The following SHISAL1 variants were observed in gnomAD, a reference collection of about 807,000 sequenced individuals.
The protein encoded by SHISAL1 is shisa like 1.
SHISAL1 carries 9 observed loss-of-function variants against 22.6 expected under a neutral mutation model. That is an observed-to-expected ratio of 0.40 (90% CI 0.24 to 0.70). The LOEUF is 0.70. Ranked by LOEUF, SHISAL1 falls within the 30% of genes least tolerant of loss-of-function variation. The pLI, the probability that SHISAL1 is intolerant of heterozygous loss-of-function variation, is 0.39. For synonymous variants in SHISAL1, 119 were observed against 115.4 expected, an observed-to-expected ratio of 1.03 and a Z score of -0.20; for missense variants, 246 against 270.6, an observed-to-expected ratio of 0.91 and a Z score of 0.64.
chr22:44,289,249 G>A (rs1301238183), intron 3 of SHISAL1, among the ~76,000 whole-genome samples: 4 of 152,202 alleles, frequency 2.6e-5, no homozygotes, highest in African/African-American at 9.6e-5. Flanking sequence ...CAGCTGGTGA[G>A]TGGCAGCACT....
intron 1 of SHISAL1, among the ~76,000 whole-genome samples, chr22:44,305,791 T>TAGGTCACCGTGC (rs1569226155): frequency 6.6e-6 from 1 of 152,124 alleles, no homozygotes; most frequent in Non-Finnish European, 1.5e-5. Context: ...TGGCCTGAGA[T>TAGGTCACCGTGC]AGGTCACCGT....
chr22:44,269,158 A>T (rs775366338), intron 4 of SHISAL1, among the ~76,000 whole-genome samples: 6 of 151,760 alleles, frequency 4.0e-5, no homozygotes, highest in Non-Finnish European at 8.8e-5. Flanking sequence ...ATACCATGCC[A>T]CACAGATCCA....
intron 1 of SHISAL1, among the ~76,000 whole-genome samples, chr22:44,301,321 T>C (rs1319884509): frequency 1.3e-5 from 2 of 152,116 alleles, no homozygotes; most frequent in East Asian, 3.9e-4. Context: ...CCCGGCCACC[T>C]CGAGGAGCTT....
At chr22:44,321,476 C>T in the SHISAL1 span, among the ~76,000 whole-genome samples, 1 of 124,696 alleles carries the variant, frequency 8.0e-6, no homozygotes, top group East Asian at 3.1e-4. Context: ...CAGCCCCTTT[C>T]CTACTGGCAG....
At chr22:44,267,154 C>A (rs1322174738) in intron 4 of SHISAL1, among the ~76,000 whole-genome samples, 1 of 152,086 alleles carries the variant, frequency 6.6e-6, no homozygotes, top group Non-Finnish European at 1.5e-5. Context: ...ACATCCGAGG[C>A]CAGGTCCCAT....
chr22:44,259,982 C>A (rs576456948), intron 4 of SHISAL1, among the ~76,000 whole-genome samples: 1 of 152,190 alleles, frequency 6.6e-6, no homozygotes, highest in Admixed American at 6.5e-5. Flanking sequence ...CCAAACCAGG[C>A]ACCCTCTGGG....
At chr22:44,303,676 C>G (rs1029645797) in intron 1 of SHISAL1, among the ~76,000 whole-genome samples, 2 of 152,168 alleles carry the variant, frequency 1.3e-5, no homozygotes, top group East Asian at 3.9e-4. Flanking sequence ...CTAGGCAGCC[C>G]GAGCAAACAG....
In SHISAL1 at chr22:44,301,215, C is replaced by T. The variant is rs146825858; in HGVS notation, c.-32-238G>A. Reference sequence around the variant, plus strand: ...TTTTCATGGCAAAATGAGACTTAATCAAAGGAGGACGGATGGCTCAGGTGG... The same window carrying T: ...TTTTCATGGCAAAATGAGACTTAATTAAAGGAGGACGGATGGCTCAGGTGG... On this transcript the variant is annotated intron_variant, in intron 1 of 4. Transcript: ENST00000381176. 8.5e-3 allele frequency among the ~76,000 whole-genome samples: 1,298 copies of T among 152,318 alleles called. 22 individuals are homozygous for T. Among genetic ancestry groups the T allele is most frequent in the African/African-American group, 0.029 (1,216 of 41,568 alleles).
rs1667004300 is a variant in SHISAL1, at chr22:44,245,097, G to C, written c.*4588C>G. 6.6e-6 allele frequency: 1 copy of C among 152,306 alleles called. No homozygotes were observed. Among genetic ancestry groups the C allele is most frequent in the African/African-American group, 2.4e-5 (1 of 41,472 alleles). 9.4% of individuals were successfully genotyped at this position (152,306 alleles called of 1,614,324 possible). A position where few individuals can be genotyped will look rare whatever the true frequency, so the allele number is the denominator to read the frequency against. Reference sequence around the variant, plus strand: ...TCATCCACTCATGGCCTCTCTGACTGTCCCAGTGCTGTGGGGGCCAAGCAG... The same window carrying C: ...TCATCCACTCATGGCCTCTCTGACTCTCCCAGTGCTGTGGGGGCCAAGCAG... On this transcript the variant is annotated 3_prime_UTR_variant, in exon 5 of 5. Transcript: ENST00000381176.
chr22:44,319,402 C>T, the SHISAL1 span, among the ~76,000 whole-genome samples: 257 of 152,332 alleles, frequency 1.7e-3, no homozygotes, highest in African/African-American at 6.0e-3. Flanking sequence ...GACTCAGGCT[C>T]TTGGCCTTGG....
chr22:44,321,901 C>T, the SHISAL1 span, among the ~76,000 whole-genome samples: 1 of 152,170 alleles, frequency 6.6e-6, no homozygotes, highest in Admixed American at 6.5e-5. Flanking sequence ...CTCCTGGGTT[C>T]AGACTCCTGC....
chr22:44,300,096 CACAGAGAGACAG>C (rs1212141001), intron 2 of SHISAL1, among the ~76,000 whole-genome samples: 3 of 147,434 alleles, frequency 2.0e-5, no homozygotes, highest in Non-Finnish European at 3.0e-5. Flanking sequence ...CAGAGACAGA[CACAGAGAGACAG>C]ACAGAGAGAC....
the SHISAL1 span, among the ~76,000 whole-genome samples, chr22:44,322,900 C>T: frequency 1.3e-5 from 2 of 152,246 alleles, no homozygotes; most frequent in Admixed American, 6.5e-5. Flanking sequence ...CATTCATTCA[C>T]TAATTCATTC....
the SHISAL1 span, among the ~76,000 whole-genome samples, chr22:44,320,342 T>C: frequency 3.9e-5 from 6 of 152,136 alleles, no homozygotes; most frequent in Non-Finnish European, 8.8e-5. Context: ...AGACCCCCTA[T>C]TGCCAGCCCA....
upstream of SHISAL1, among the ~76,000 whole-genome samples, chr22:44,314,878 T>C (rs1130274): frequency 0.57 from 87,096 of 152,110 alleles, 25,916 homozygotes; most frequent in African/African-American, 0.74. Context: ...CACAGAACAT[T>C]ACGGGGCATC....
rs753454365 is a variant in SHISAL1 at position 44,249,647 on chromosome 22, T to A, written c.*38A>T. The A allele has an allele frequency of 2.6e-6, 2 of 779,570 alleles. No individual in the cohort carries two copies. Among genetic ancestry groups the A allele is most frequent in the Non-Finnish European group, 4.8e-6 (2 of 417,914 alleles). The allele number at this position is 779,570 out of a possible 1,614,324, so 48.3% of individuals were successfully genotyped here. ...CGGAGGCTGCACCGGGTGCTTCAGA[T>A]CTCATCTCCCCCATCCTGAGGCACA... On this transcript the variant is annotated 3_prime_UTR_variant, in exon 5 of 5. Transcript: ENST00000381176.
chr22:44,267,974 C>G (rs1236599519), intron 4 of SHISAL1, among the ~76,000 whole-genome samples: 1 of 152,232 alleles, frequency 6.6e-6, no homozygotes, highest in Non-Finnish European at 1.5e-5. Context: ...TCTGCAGAGA[C>G]ACGGCCGGAG....
rs565214735 is a variant in SHISAL1 at position 44,310,396 on chromosome 22, C to T, written c.-33+2355G>A. Among the ~76,000 whole-genome samples, 6 of 152,296 alleles carry T rather than the reference C, an allele frequency of 3.9e-5. No homozygotes were observed. The highest frequency in any genetic ancestry group is 1.3e-4 in the Admixed American group (2 of 15,300). On this transcript the variant is annotated intron_variant, in intron 1 of 4. Transcript: ENST00000381176. The surrounding 1 kb of genome is among the most constrained non-coding windows in gnomAD (Gnocchi z 4.0). ...TTTGCAATCTGAACCCAGGTTTGCTCGACTCCAGACAGGGTGCTGGGGGCG... is the reference window on the plus strand; with the variant it reads ...TTTGCAATCTGAACCCAGGTTTGCTTGACTCCAGACAGGGTGCTGGGGGCG...
In SHISAL1 at chr22:44,310,043, G is replaced by A. The variant is rs143860389; in HGVS notation, c.-33+2708C>T. Among the ~76,000 whole-genome samples, 53 of 152,278 alleles carry A rather than the reference G, an allele frequency of 3.5e-4. No homozygotes were observed. In the East Asian group the frequency reaches 4.4e-3, roughly 13 times the overall value. ...CTGGAGAAGGACAGAGAAGCAGCCC[G>A]TTCGCCTGCAGCTGGGGTGCCGGGC... On this transcript the variant is annotated intron_variant, in intron 1 of 4. Transcript: ENST00000381176. The surrounding 1 kb of genome is among the most constrained non-coding windows in gnomAD (Gnocchi z 4.0).
Sources: gnomAD v4.1 joint callset for allele counts (sites outside exome capture counted in the v4.1 genomes callset) on GRCh38, gnomAD v4.1.1 for gene constraint, Gnocchi (gnomAD v3.1) non-coding constraint, MANE v1.5 for transcripts, NCBI Gene and HGNC (gene_info 2026-07-23, HGNC 2026-07-21) for gene names.